The following ZC3H12B variants were observed in gnomAD, a reference collection of about 807,000 sequenced individuals.
ZC3H12B encodes the protein zinc finger CCCH-type containing 12B, also known as probable ribonuclease ZC3H12B.
A neutral mutation model predicts 43.9 loss-of-function variants in ZC3H12B; 7 were observed. That is an observed-to-expected ratio of 0.16 (90% CI 0.09 to 0.30). The LOEUF is 0.30. Ranked by LOEUF, ZC3H12B falls within the 10% of genes least tolerant of loss-of-function variation. The probability of loss-of-function intolerance (pLI) is 1.00; values close to 1 mark genes in which losing one functional copy is unlikely to be tolerated. For missense variants in ZC3H12B, 475 were observed against 670.2 expected (o/e 0.71, Z 3.22); for synonymous variants, 222 against 241.7 (o/e 0.92, Z 0.76).
exon 5 of ZC3H12B, chrX:65,503,216 A>C: frequency 8.7e-7 from 1 of 1,144,285 alleles, no homozygotes; most frequent in Non-Finnish European, 1.2e-6. Context: ...TTGATATGAC[A>C]TAGTACTTAT....
chrX:65,349,731 A>G, the ZC3H12B span, among the ~76,000 whole-genome samples: 1 of 112,200 alleles, frequency 8.9e-6, no homozygotes, highest in East Asian at 2.8e-4. Flanking sequence ...AAACACCTCT[A>G]TGCAAATAAA....
the ZC3H12B span, among the ~76,000 whole-genome samples, chrX:65,070,335 TTTTC>T: frequency 9.0e-5 from 10 of 111,047 alleles, no homozygotes; most frequent in East Asian, 2.8e-3. Flanking sequence ...TTCTTTCTTT[TTTTC>T]TTTCTTAATG....
the ZC3H12B span, among the ~76,000 whole-genome samples, chrX:65,356,441 A>G: frequency 1.8e-5 from 2 of 111,802 alleles, no homozygotes; most frequent in African/African-American, 6.5e-5. Flanking sequence ...ATGCAGTTAT[A>G]TTGTTGACAG....
the ZC3H12B span, among the ~76,000 whole-genome samples, chrX:65,113,149 G>A: frequency 9.0e-6 from 1 of 111,335 alleles, no homozygotes; most frequent in African/African-American, 3.3e-5. Flanking sequence ...AGCAAGACAA[G>A]TAGAATTAGA....
At chrX:65,461,393 C>T (rs183983580) in intron 3 of ZC3H12B, among the ~76,000 whole-genome samples, 24 of 112,127 alleles carry the variant, frequency 2.1e-4, no homozygotes, top group Admixed American at 1.7e-3. Context: ...GCTATAAAAC[C>T]CATGCACACG....
chrX:65,251,275 C>G, the ZC3H12B span, among the ~76,000 whole-genome samples: 2 of 111,306 alleles, frequency 1.8e-5, no homozygotes, highest in African/African-American at 6.5e-5. Context: ...TCTGAGGGCT[C>G]TGTTCTGTTC....
chrX:65,256,206 C>A, the ZC3H12B span, among the ~76,000 whole-genome samples: 1 of 112,039 alleles, frequency 8.9e-6, no homozygotes, highest in Admixed American at 9.4e-5. Context: ...ATCTACAGAG[C>A]TCTCCATCCT....
chrX:65,253,298 A>G, the ZC3H12B span, among the ~76,000 whole-genome samples: 1 of 112,347 alleles, frequency 8.9e-6, no homozygotes, highest in Non-Finnish European at 1.9e-5. Context: ...CTGGTCCCCA[A>G]CAACTCCTGG....
exon 5 of ZC3H12B, chrX:65,504,474 C>T (rs1602548827): frequency 1.8e-5 from 2 of 112,500 alleles, no homozygotes; most frequent in Non-Finnish European, 3.7e-5. Context: ...AGTCTCTTCA[C>T]CTTAGCAAAT....
chrX:65,170,047 T>A, the ZC3H12B span, among the ~76,000 whole-genome samples: 1 of 112,016 alleles, frequency 8.9e-6, no homozygotes, highest in African/African-American at 3.2e-5. Flanking sequence ...AAGGTTAATA[T>A]TGTTATGTGT....
chrX:65,101,530 A>G, the ZC3H12B span, among the ~76,000 whole-genome samples: 4 of 111,943 alleles, frequency 3.6e-5, no homozygotes, highest in East Asian at 2.8e-4. Context: ...GAAGAATCAA[A>G]TAGACACAAT....
chrX:65,069,197 C>G, the ZC3H12B span, among the ~76,000 whole-genome samples: 1 of 107,183 alleles, frequency 9.3e-6, no homozygotes, highest in African/African-American at 3.4e-5. Context: ...CTGTTATTAT[C>G]GCTATGAATC....
At chrX:65,443,290 G>T (rs1446996879) in intron 3 of ZC3H12B, among the ~76,000 whole-genome samples, 1 of 110,774 alleles carries the variant, frequency 9.0e-6, no homozygotes, top group Non-Finnish European at 1.9e-5. Context: ...TCCAACCATC[G>T]CTCCGGTGCC....
At chrX:65,393,933 C>T (rs753273927) in intron 2 of ZC3H12B, among the ~76,000 whole-genome samples, 66 of 112,355 alleles carry the variant, frequency 5.9e-4, no homozygotes, top group African/African-American at 2.1e-3. Context: ...TTTTGATTTG[C>T]ATTTCTCTAA....
the ZC3H12B span, among the ~76,000 whole-genome samples, chrX:65,220,261 A>G: frequency 8.9e-6 from 1 of 111,772 alleles, no homozygotes; most frequent in African/African-American, 3.3e-5. Flanking sequence ...TAAAGCATAA[A>G]TTTCACAGTA....
At chrX:65,149,126 C>T in the ZC3H12B span, among the ~76,000 whole-genome samples, 2 of 111,515 alleles carry the variant, frequency 1.8e-5, no homozygotes, top group Admixed American at 1.9e-4. Context: ...CAACCTGTCT[C>T]AGGCCCCCAG....
the ZC3H12B span, among the ~76,000 whole-genome samples, chrX:65,183,683 A>G: frequency 1.8e-5 from 2 of 111,838 alleles, no homozygotes; most frequent in African/African-American, 6.5e-5. Context: ...GTAAAGATGA[A>G]TATATTTTTA....
chrX:65,383,816 G>A lies in ZC3H12B; in HGVS notation n.296-14777G>A, dbSNP rs369639748. 3.2e-4 allele frequency among the ~76,000 whole-genome samples: 36 copies of A among 111,037 alleles called. No individual in the cohort carries two copies. The South Asian group carries it at 0.014, about 43-fold the overall frequency. The stretch of plus-strand genomic sequence containing the variant: ...GAGAAATGCAAATCAAAACCACAAT[G>A]AGACACCATTTCACACCAGTTAGAA... On this transcript the variant is annotated intron_variant and non_coding_transcript_variant, in intron 2 of 5. Coordinates refer to the ZC3H12B transcript ENST00000617377.
chrX:65,331,084 A>T, the ZC3H12B span: 3 of 310,564 alleles, frequency 9.7e-6, no homozygotes, highest in South Asian at 7.2e-5. Context: ...CCCTATTTTT[A>T]TTCCACCAAT....
Sources: gnomAD v4.1 joint callset for allele counts (sites outside exome capture counted in the v4.1 genomes callset) on GRCh38, gnomAD v4.1.1 for gene constraint, MANE v1.5 for transcripts, NCBI Gene and HGNC (gene_info 2026-07-23, HGNC 2026-07-21) for gene names.